The following SLC2A12 variants were observed in gnomAD, a reference collection of about 807,000 sequenced individuals.
SLC2A12 encodes the protein solute carrier family 2 member 12.
SLC2A12 carries 23 observed loss-of-function variants against 41.8 expected under a neutral mutation model. The observed-to-expected ratio is 0.55, with a 90% CI of 0.40 to 0.78. SLC2A12 has a LOEUF of 0.78. SLC2A12 is among the 30% of genes least tolerant of loss of function. The probability of loss-of-function intolerance (pLI) is 0.00; values close to 1 mark genes in which losing one functional copy is unlikely to be tolerated. For synonymous variants in SLC2A12, 295 were observed against 285.9 expected (o/e 1.03, Z -0.32); for missense variants, 654 against 745.6 (o/e 0.88, Z 1.43).
intron 2 of SLC2A12, among the ~76,000 whole-genome samples, chr6:134,011,474 T>G (rs1452500856): frequency 6.6e-6 from 1 of 151,670 alleles, no homozygotes; most frequent in African/African-American, 2.4e-5. Flanking sequence ...AATACAAAAA[T>G]TAGCCAGGTG....
chr6:134,048,369 G>A (rs749126019), intron 1 of SLC2A12, among the ~76,000 whole-genome samples: 2 of 152,160 alleles, frequency 1.3e-5, no homozygotes, highest in Non-Finnish European at 2.9e-5. Flanking sequence ...GGCCAAGGTA[G>A]GCGGATCACC....
At chr6:133,997,065 C>T (rs927052756) in intron 4 of SLC2A12, among the ~76,000 whole-genome samples, 3 of 130,346 alleles carry the variant, frequency 2.3e-5, no homozygotes, top group African/African-American at 8.9e-5. Flanking sequence ...CACGGTGAAA[C>T]CCCGTCTCTA....
At chr6:134,022,248 G>A (rs950612662) in intron 2 of SLC2A12, among the ~76,000 whole-genome samples, 4 of 151,804 alleles carry the variant, frequency 2.6e-5, no homozygotes, top group Non-Finnish European at 4.4e-5. Flanking sequence ...TCTTTTACTT[G>A]TTTTCTATTG....
chr6:134,027,783 T>C (rs1016612927), intron 2 of SLC2A12, among the ~76,000 whole-genome samples: 8 of 152,218 alleles, frequency 5.3e-5, no homozygotes, highest in African/African-American at 1.7e-4. Context: ...CATAGCTATG[T>C]CCTTGTAAAT....
chr6:134,035,731 T>C (rs1777288769), intron 1 of SLC2A12, among the ~76,000 whole-genome samples: 1 of 152,230 alleles, frequency 6.6e-6, no homozygotes, highest in Non-Finnish European at 1.5e-5. Flanking sequence ...GTCTCCACAC[T>C]GCGTTGCTAG....
At chr6:134,019,583 ATT>A (rs1177370914) in intron 2 of SLC2A12, among the ~76,000 whole-genome samples, 1 of 152,184 alleles carries the variant, frequency 6.6e-6, no homozygotes, top group African/African-American at 2.4e-5. Context: ...ATATATCCTG[ATT>A]TTGTTTGACA....
intron 1 of SLC2A12, among the ~76,000 whole-genome samples, chr6:134,042,864 G>A (rs1777401431): frequency 6.6e-6 from 1 of 152,104 alleles, no homozygotes; most frequent in Admixed American, 6.6e-5. Context: ...CTACTTGGGT[G>A]GCTGAGGCAG....
chr6:134,032,852 T>C (rs1777240879), intron 1 of SLC2A12, among the ~76,000 whole-genome samples: 1 of 143,832 alleles, frequency 7.0e-6, no homozygotes, highest in East Asian at 2.0e-4. Context: ...TATAAATATA[T>C]ATTTATATAA....
At chr6:134,005,123 C>A (rs1202862029) in intron 3 of SLC2A12, among the ~76,000 whole-genome samples, 3 of 152,132 alleles carry the variant, frequency 2.0e-5, no homozygotes, top group Admixed American at 2.0e-4. Context: ...GAAAACAAGG[C>A]GAATGCTTCT....
chr6:133,996,144 G>C (rs9493792), intron 4 of SLC2A12, among the ~76,000 whole-genome samples: 29,883 of 152,172 alleles, frequency 0.2, 4,852 homozygotes, highest in African/African-American at 0.44. Flanking sequence ...GTAGATGCTC[G>C]ATAAATATTT....
intron 2 of SLC2A12, among the ~76,000 whole-genome samples, chr6:134,016,311 AG>A (rs1776961762): frequency 6.6e-6 from 1 of 152,082 alleles, no homozygotes; most frequent in Non-Finnish European, 1.5e-5. Context: ...TAAATAAATA[AG>A]ATAATGTCTC....
intron 3 of SLC2A12, among the ~76,000 whole-genome samples, chr6:134,003,072 G>C (rs1776772048): frequency 6.6e-6 from 1 of 152,180 alleles, no homozygotes; most frequent in African/African-American, 2.4e-5. Flanking sequence ...AACAGCTGCA[G>C]CCACAAACCA....
chr6:134,038,769 A>G (rs1777341955), intron 1 of SLC2A12, among the ~76,000 whole-genome samples: 1 of 140,266 alleles, frequency 7.1e-6, no homozygotes, highest in South Asian at 2.2e-4. Context: ...GCAGTGGCAC[A>G]ATCTCAGCTC....
At position 134,045,594 on chromosome 6, in the gene SLC2A12, C is replaced by T. The variant is rs370044313; in HGVS notation, c.103+6784G>A. 1.1e-4 allele frequency among the ~76,000 whole-genome samples: 16 copies of T among 152,276 alleles called. No homozygotes were observed. In the South Asian group the frequency reaches 1.5e-3, roughly 14 times the overall value. On this transcript the variant is annotated intron_variant, in intron 1 of 4. Transcript: ENST00000275230. ...CATAGAGTTGTAAGAATGAATGAGA[C>T]AGAAGAGACCCTGGTACCTGGTAGT... is the stretch of plus-strand genomic sequence containing the variant.
chr6:134,046,259 A>T (rs1411240934), intron 1 of SLC2A12, among the ~76,000 whole-genome samples: 1 of 152,230 alleles, frequency 6.6e-6, no homozygotes, highest in Non-Finnish European at 1.5e-5. Flanking sequence ...TGCCAGGCAG[A>T]CCTGAGTCAT....
chr6:134,001,347 C>T (rs1776752350), intron 4 of SLC2A12, among the ~76,000 whole-genome samples: 1 of 152,100 alleles, frequency 6.6e-6, no homozygotes, highest in Non-Finnish European at 1.5e-5. Flanking sequence ...ATCAGTAGCA[C>T]AGAAGATTCA....
intron 3 of SLC2A12, among the ~76,000 whole-genome samples, chr6:134,003,270 T>C (rs1445622787): frequency 2.0e-5 from 3 of 152,210 alleles, no homozygotes; most frequent in Non-Finnish European, 4.4e-5. Context: ...CTCTCTCTGC[T>C]TTTCTAGCTG....
intron 4 of SLC2A12, among the ~76,000 whole-genome samples, chr6:134,001,789 G>GA (rs1227206086): frequency 1.3e-5 from 2 of 149,814 alleles, no homozygotes; most frequent in African/African-American, 2.5e-5. Context: ...TCATTGGGAA[G>GA]AAATGGTTAT....
At position 134,029,198 on chromosome 6, in the gene SLC2A12, C is replaced by T; in HGVS notation, c.627G>A (p.Leu209=). The T allele has an allele frequency of 6.2e-7, 1 of 1,614,068 alleles. No homozygotes were observed. The highest frequency in any genetic ancestry group is 8.5e-7 in the Non-Finnish European group (1 of 1,180,022). The change falls in exon 2 of 5, where the codon TTG becomes TTA. Residue 209 remains leucine, a synonymous_variant. Transcript: ENST00000275230. Reference sequence around the variant, plus strand: ...GAAGAAAATACATTGCAATTGCTTGCAAAACTCCCAAGGGAATCACAAGAC... The same window carrying T: ...GAAGAAAATACATTGCAATTGCTTGTAAAACTCCCAAGGGAATCACAAGAC... ...MFGLVIPLGV[L]QAIAMYFLPP...
Sources: allele counts gnomAD v4.1 joint callset (sites outside exome capture counted in the v4.1 genomes callset), GRCh38; gene constraint gnomAD v4.1.1; transcripts MANE v1.5; gene names NCBI Gene and HGNC (gene_info 2026-07-23, HGNC 2026-07-21).